The following COBLL1 variants were observed in gnomAD, a reference collection of about 807,000 sequenced individuals.
COBLL1 encodes cordon-bleu WH2 repeat protein like 1.
Under a neutral mutation model 94.8 loss-of-function variants are expected in COBLL1, and 50 were observed. That is an observed-to-expected ratio of 0.53 (90% CI 0.42 to 0.67). COBLL1 has a LOEUF of 0.67. COBLL1 is among the 30% of genes least tolerant of loss of function. The pLI is 0.00. For missense variants in COBLL1, 1,362 were observed against 1,348.7 expected (o/e 1.01, Z -0.15); for synonymous variants, 448 against 473.8 (o/e 0.95, Z 0.71).
chr2:164,780,224 G>A (rs189997956), intron 2 of COBLL1, among the ~76,000 whole-genome samples: 1 of 152,068 alleles, frequency 6.6e-6, no homozygotes, highest in Non-Finnish European at 1.5e-5. Flanking sequence ...CCGCCACTAA[G>A]GGGACTGTTG....
intron 2 of COBLL1, among the ~76,000 whole-genome samples, chr2:164,837,085 C>T (rs889594716): frequency 1.5e-4 from 23 of 152,174 alleles, no homozygotes; most frequent in African/African-American, 5.3e-4. Flanking sequence ...TTTAATTTTT[C>T]GTATGCCTTC....
intron 2 of COBLL1, among the ~76,000 whole-genome samples, chr2:164,749,498 T>C (rs1687022483): frequency 6.6e-6 from 1 of 152,192 alleles, no homozygotes; most frequent in African/African-American, 2.4e-5. Context: ...TGGCAGTGTT[T>C]TGATGGCCAC....
At chr2:164,828,587 G>C (rs370157851) in intron 2 of COBLL1, among the ~76,000 whole-genome samples, 9 of 152,088 alleles carry the variant, frequency 5.9e-5, no homozygotes, top group African/African-American at 1.9e-4. Context: ...TATAAAAAAG[G>C]GAGAAATTAT....
At chr2:164,787,682 C>A (rs2105289582) in intron 2 of COBLL1, among the ~76,000 whole-genome samples, 1 of 152,100 alleles carries the variant, frequency 6.6e-6, no homozygotes, top group East Asian at 1.9e-4. Flanking sequence ...TATATGCCAT[C>A]CATCATTGAG....
intron 5 of COBLL1, chr2:164,727,285 C>T: frequency 2.3e-6 from 1 of 440,138 alleles, no homozygotes; most frequent in South Asian, 6.0e-5. Context: ...AGTCTCTATG[C>T]AAAGAGTATG....
In COBLL1 at chr2:164,683,241, A is replaced by G. The variant is rs1231743592; in HGVS notation, c.*2705T>C. Reference sequence around the variant, plus strand: ...TAAATAAATAACTTGATTGGAGGAAAGAAGGAAAAGCAAAATGCCTAGATG... The same window carrying G: ...TAAATAAATAACTTGATTGGAGGAAGGAAGGAAAAGCAAAATGCCTAGATG... On this transcript the variant is annotated 3_prime_UTR_variant, in exon 14 of 14. Transcript: ENST00000652658. The G allele has an allele frequency of 1.3e-5, 2 of 152,004 alleles. No individual in the cohort carries two copies. Among genetic ancestry groups the G allele is most frequent in the Non-Finnish European group, 2.9e-5 (2 of 67,980 alleles). The allele number at this position is 152,004 out of a possible 1,614,324, so 9.4% of individuals were successfully genotyped here.
At chr2:164,693,152 C>T (rs1683706896) in intron 12 of COBLL1, among the ~76,000 whole-genome samples, 1 of 152,086 alleles carries the variant, frequency 6.6e-6, no homozygotes, top group South Asian at 2.1e-4. Context: ...CAGGCAATGA[C>T]TTAAAAGCTT....
At chr2:164,821,408 T>C (rs1209269050) in intron 2 of COBLL1, among the ~76,000 whole-genome samples, 3 of 152,184 alleles carry the variant, frequency 2.0e-5, no homozygotes, top group Non-Finnish European at 4.4e-5. Context: ...ATCAACAATC[T>C]TACACATTGT....
chr2:164,711,492 G>C (rs1308394230), intron 7 of COBLL1, among the ~76,000 whole-genome samples: 1 of 152,166 alleles, frequency 6.6e-6, no homozygotes, highest in Admixed American at 6.5e-5. Flanking sequence ...TTAGTCTACT[G>C]TATAAACATT....
intron 13 of COBLL1, among the ~76,000 whole-genome samples, chr2:164,689,062 G>A (rs1313206068): frequency 6.6e-6 from 1 of 151,984 alleles, no homozygotes; most frequent in African/African-American, 2.4e-5. Context: ...ATAACATACT[G>A]AGCTTGATTT....
chr2:164,786,462 G>A (rs1333267612), intron 2 of COBLL1, among the ~76,000 whole-genome samples: 1 of 152,140 alleles, frequency 6.6e-6, no homozygotes, highest in East Asian at 1.9e-4. Context: ...AAGTAGAACT[G>A]AGACATTTCT....
At chr2:164,811,135 C>A (rs1247155642) in intron 2 of COBLL1, among the ~76,000 whole-genome samples, 1 of 151,900 alleles carries the variant, frequency 6.6e-6, no homozygotes, top group African/African-American at 2.4e-5. Context: ...AGAGTCAGTT[C>A]TGAATCTGAA....
At chr2:164,831,464 T>C (rs1683071707) in intron 2 of COBLL1, among the ~76,000 whole-genome samples, 2 of 151,994 alleles carry the variant, frequency 1.3e-5, no homozygotes, top group African/African-American at 4.8e-5. Context: ...AAATAATATT[T>C]AAATATTCTT....
intron 2 of COBLL1, among the ~76,000 whole-genome samples, chr2:164,802,396 A>T (rs1683853760): frequency 6.6e-6 from 1 of 152,236 alleles, no homozygotes; most frequent in Non-Finnish European, 1.5e-5. Context: ...CAATTCATAC[A>T]TCCAAATGTG....
At chr2:164,827,209 A>G (rs571161841) in intron 2 of COBLL1, among the ~76,000 whole-genome samples, 3 of 152,280 alleles carry the variant, frequency 2.0e-5, no homozygotes, top group East Asian at 3.9e-4. Context: ...TCGGCCTCCC[A>G]AAGTGCTGGG....
chr2:164,692,350 T>A lies in COBLL1; in HGVS notation c.3171A>T (p.Pro1057=). 6.2e-7 allele frequency: 1 copy of A among 1,613,328 alleles called. No individual in the cohort carries two copies. Among genetic ancestry groups the A allele is most frequent in the Non-Finnish European group, 8.5e-7 (1 of 1,179,518 alleles). ...TAACAGTGAATGATGGGCCATCAGT[T>A]GGAGTTGGTATTTGGGAATTCTGTT... ...HNEQNSQIPT[P]TDGPSFTVMR... is the part of the protein sequence containing the mutation. Residue 1057 remains proline (P), a synonymous_variant, in exon 13 of 14, where the codon CCA becomes CCT. Coordinates refer to ENST00000652658, the MANE Select transcript of COBLL1 (RefSeq NM_001365672.2).
rs558871993 is a variant in COBLL1, at chr2:164,682,323, T to C, written c.*3623A>G. On this transcript the variant is annotated 3_prime_UTR_variant, in exon 14 of 14. Coordinates refer to ENST00000652658, the MANE Select transcript of COBLL1 (RefSeq NM_001365672.2). ...AAGTTCTTTTCTTTCAAGTCAGTTA[T>C]CAAAATCAGTAGATTTTAAAAATGA... is the stretch of plus-strand genomic sequence containing the variant. 6.6e-6 allele frequency: 1 copy of C among 152,238 alleles called. No individual in the cohort carries two copies. The highest frequency in any genetic ancestry group is 2.1e-4 in the South Asian group (1 of 4,834). The allele number at this position is 152,238 out of a possible 1,614,324, so 9.4% of individuals were successfully genotyped here.
At chr2:164,821,512 G>A (rs1486964102) in intron 2 of COBLL1, among the ~76,000 whole-genome samples, 2 of 152,162 alleles carry the variant, frequency 1.3e-5, no homozygotes, top group African/African-American at 2.4e-5. Context: ...TTCCCAGTCT[G>A]TGTACAAGCG....
rs1574390917 is a variant in COBLL1, at chr2:164,674,697, GGGA to G, written n.127-8799_127-8797del. 2.6e-5 allele frequency among the ~76,000 whole-genome samples: 4 copies of G among 152,156 alleles called. 1 individual carries two copies. The East Asian group carries it at 7.7e-4, about 29-fold the overall frequency. ...AGATAGATATGGAGTCTACCCTCAT[GGGA>G]AAAATTGGGTAAACAGCTTTTACAC... On this transcript the variant is annotated intron_variant and non_coding_transcript_variant, in intron 1 of 2. Coordinates refer to the COBLL1 transcript ENST00000495084.
Sources: gnomAD v4.1 joint callset for allele counts (sites outside exome capture counted in the v4.1 genomes callset) on GRCh38, gnomAD v4.1.1 for gene constraint, MANE v1.5 for transcripts, NCBI Gene and HGNC (gene_info 2026-07-23, HGNC 2026-07-21) for gene names.